Variants in MEGF6 observed in about 807,000 individuals in gnomAD.
The protein encoded by MEGF6 is multiple EGF like domains 6, also known as multiple epidermal growth factor-like domains protein 6.
Under a neutral mutation model 207.1 loss-of-function variants are expected in MEGF6, and 184 were observed. That is an observed-to-expected ratio of 0.89 (90% CI 0.79 to 1.00). MEGF6 has a LOEUF of 1.00. MEGF6 is among the 50% of genes least tolerant of loss of function. MEGF6 has a pLI of 0.00. For missense variants in MEGF6, 2,282 were observed against 2,202.9 expected (o/e 1.04, Z -0.72); for synonymous variants, 1,038 against 910.0 (o/e 1.14, Z -2.53).
chr1:3,511,950 G>T (rs1641365000), intron 8 of MEGF6, 56 bp downstream of exon 8: 2 of 1,609,156 alleles, frequency 1.2e-6, no homozygotes, highest in Non-Finnish European at 8.5e-7. Flanking sequence ...TCGGGGTCCT[G>T]GGGAGCAGCA....
At chr1:3,542,758 C>T (rs912148979) in intron 4 of MEGF6, among the ~76,000 whole-genome samples, 9 of 152,238 alleles carry the variant, frequency 5.9e-5, no homozygotes, top group Non-Finnish European at 1.2e-4. Context: ...CCCAAGACCA[C>T]GCAATAAGGA....
At chr1:3,591,897 G>T (rs1402653182) in intron 3 of MEGF6, among the ~76,000 whole-genome samples, 1 of 151,770 alleles carries the variant, frequency 6.6e-6, no homozygotes, top group African/African-American at 2.4e-5. Flanking sequence ...GGTGGGGGCT[G>T]CTACCAAGGT....
In MEGF6 at chr1:3,575,079, C is replaced by A. The variant is rs1366454748; in HGVS notation, c.481+4746G>T. Among the ~76,000 whole-genome samples, 4 of 152,106 alleles carry A rather than the reference C, an allele frequency of 2.6e-5. No individual in the cohort carries two copies. The South Asian group carries it at 6.2e-4, about 24-fold the overall frequency. On this transcript the variant is annotated intron_variant, in intron 4 of 36. Coordinates refer to ENST00000356575, the MANE Select transcript of MEGF6 (RefSeq NM_001409.4). Reference sequence around the variant, plus strand: ...GAGACTTTTGTGACTTCGTGTACTACAAAAGACAAATCTATTAGGAGGTCA... The same window carrying A: ...GAGACTTTTGTGACTTCGTGTACTAAAAAAGACAAATCTATTAGGAGGTCA...
In MEGF6 at chr1:3,505,412, C is replaced by G; in HGVS notation, c.2053+10G>C. The stretch of plus-strand genomic sequence containing the variant: ...CGCCCCCCGCCCCCAGACCCCATGC[C>G]TGGACTCACCTGCCTGACAGCGCTC... On this transcript the variant is annotated intron_variant, in intron 16 of 36. Transcript: ENST00000356575. 9 of 1,608,714 alleles carry G rather than the reference C, an allele frequency of 5.6e-6. No homozygotes were observed. The highest frequency in any genetic ancestry group is 7.6e-6 in the Non-Finnish European group (9 of 1,178,334).
At chr1:3,529,836 C>T (rs996953606) in intron 4 of MEGF6, among the ~76,000 whole-genome samples, 1 of 152,232 alleles carries the variant, frequency 6.6e-6, no homozygotes, top group African/African-American at 2.4e-5. Flanking sequence ...GCGCCCCTTC[C>T]GAAGCCCACC....
At chr1:3,568,676 T>C (rs904291487) in intron 4 of MEGF6, among the ~76,000 whole-genome samples, 2 of 152,106 alleles carry the variant, frequency 1.3e-5, no homozygotes, top group African/African-American at 4.8e-5. Flanking sequence ...GCCAGTGCCC[T>C]ATGACCTTGC....
intron 3 of MEGF6, among the ~76,000 whole-genome samples, chr1:3,582,353 T>C (rs1208251232): frequency 6.6e-6 from 1 of 152,136 alleles, no homozygotes; most frequent in East Asian, 1.9e-4. Context: ...GTCTGGGAGA[T>C]AGCCCCGTAC....
the MEGF6 span, among the ~76,000 whole-genome samples, chr1:3,621,463 G>T: frequency 6.6e-6 from 1 of 152,104 alleles, no homozygotes; most frequent in Non-Finnish European, 1.5e-5. Context: ...GTAGAGCGAG[G>T]ATTATTATAA....
At chr1:3,523,079 G>GC (rs1183055863) in intron 5 of MEGF6, among the ~76,000 whole-genome samples, 6 of 151,586 alleles carry the variant, frequency 4.0e-5, no homozygotes, top group Admixed American at 1.3e-4. Flanking sequence ...TGTGCCGGGG[G>GC]GGGGGCCCCA....
At chr1:3,611,729 C>T (rs1291763485), upstream of MEGF6, among the ~76,000 whole-genome samples, 2 of 11,108 alleles carry the variant, frequency 1.8e-4, no homozygotes, top group Non-Finnish European at 1.8e-3. Context: ...CCGCCCCTAG[C>T]CCCCTCCCCT....
At chr1:3,605,292 G>A (rs1397074128) in intron 1 of MEGF6, among the ~76,000 whole-genome samples, 8 of 150,966 alleles carry the variant, frequency 5.3e-5, no homozygotes, top group South Asian at 2.1e-4. Flanking sequence ...TCACACAAAC[G>A]CAATCACACA....
chr1:3,554,022 G>A (rs1642965189), intron 4 of MEGF6, among the ~76,000 whole-genome samples: 1 of 152,234 alleles, frequency 6.6e-6, no homozygotes, highest in Non-Finnish European at 1.5e-5. Context: ...GGGACAAGCG[G>A]GGGGCCCTGT....
rs1333671481 is a variant in MEGF6 at position 3,509,860 on chromosome 1, G to A, written c.1357+10C>T. 1 of 1,549,426 alleles carries A rather than the reference G, an allele frequency of 6.5e-7. No homozygotes were observed. Among genetic ancestry groups the A allele is most frequent in the Admixed American group, 2.0e-5 (1 of 50,680 alleles). The stretch of plus-strand genomic sequence containing the variant: ...AGAGGCCGGTGCTCCGCGGAGGGCG[G>A]GAGACTCACGGCTGCAGCCCCTACG... On this transcript the variant is annotated intron_variant, in intron 11 of 36. Transcript: ENST00000356575.
chr1:3,624,535 G>A, the MEGF6 span: 5 of 152,460 alleles, frequency 3.3e-5, no homozygotes, highest in African/African-American at 1.2e-4. Flanking sequence ...ACTCCCCCAC[G>A]GTGCACCAGG....
At chr1:3,614,706 G>A (rs1236629394), upstream of MEGF6, among the ~76,000 whole-genome samples, 1 of 152,204 alleles carries the variant, frequency 6.6e-6, no homozygotes, top group Non-Finnish European at 1.5e-5. Context: ...AGCTTAGAAG[G>A]TTCACTAATG....
At chr1:3,618,206 C>G in the MEGF6 span, among the ~76,000 whole-genome samples, 2 of 152,224 alleles carry the variant, frequency 1.3e-5, no homozygotes, top group Non-Finnish European at 2.9e-5. The surrounding 1 kb of genome is among the most constrained non-coding windows in gnomAD (Gnocchi z 4.7). Context: ...TTGCATTTCT[C>G]AAGGTCAGAG....
intron 4 of MEGF6, among the ~76,000 whole-genome samples, chr1:3,534,160 T>C (rs1174633592): frequency 6.6e-6 from 1 of 152,112 alleles, no homozygotes; most frequent in Non-Finnish European, 1.5e-5. Context: ...CCATGCACCG[T>C]GGCTTGTCCC....
At chr1:3,585,824 CAT>C (rs1038330690) in intron 3 of MEGF6, among the ~76,000 whole-genome samples, 6 of 131,292 alleles carry the variant, frequency 4.6e-5, no homozygotes, top group Non-Finnish European at 9.4e-5. Flanking sequence ...GGGTGTGACA[CAT>C]GTCCTGTGTG....
chr1:3,574,700 T>A (rs1643594404), intron 4 of MEGF6, among the ~76,000 whole-genome samples: 1 of 152,182 alleles, frequency 6.6e-6, no homozygotes, highest in African/African-American at 2.4e-5. Context: ...TGGAGTCCAG[T>A]GGCGCAATCT....
Sources: allele counts gnomAD v4.1 joint callset (sites outside exome capture counted in the v4.1 genomes callset), GRCh38; gene constraint gnomAD v4.1.1; non-coding constraint Gnocchi (gnomAD v3.1); transcripts MANE v1.5; gene names NCBI Gene and HGNC (gene_info 2026-07-23, HGNC 2026-07-21).